HSPA4: variants seen among roughly 807,000 people sequenced by gnomAD.
The protein encoded by HSPA4 is heat shock 70 kDa protein 4.
Under a neutral mutation model 106.2 loss-of-function variants are expected in HSPA4, and 25 were observed. That is an observed-to-expected ratio of 0.24 (90% CI 0.17 to 0.33). The LOEUF is 0.33. Among genes scored for constraint, HSPA4 ranks in the 10% least tolerant of loss-of-function variants. The pLI is 1.00. For missense variants in HSPA4, 841 were observed against 996.0 expected, an observed-to-expected ratio of 0.84 and a Z score of 2.10; for synonymous variants, 332 against 333.6, an observed-to-expected ratio of 1.00 and a Z score of 0.05.
chr5:133,056,432 C>T (rs566644279), intron 1 of HSPA4, among the ~76,000 whole-genome samples: 3 of 152,210 alleles, frequency 2.0e-5, no homozygotes, highest in Admixed American at 6.5e-5. Flanking sequence ...TGCATACATG[C>T]GGCTAATTTT....
At chr5:133,053,279 C>T (rs1473750069) in intron 1 of HSPA4, among the ~76,000 whole-genome samples, 1 of 149,144 alleles carries the variant, frequency 6.7e-6, no homozygotes, top group African/African-American at 2.5e-5. Context: ...TGTTCTTAGA[C>T]AAAATCTTGT....
chr5:133,087,137 T>C (rs1435956100), intron 8 of HSPA4, among the ~76,000 whole-genome samples: 1 of 152,226 alleles, frequency 6.6e-6, no homozygotes, highest in Non-Finnish European at 1.5e-5. Context: ...AATTGTCTTT[T>C]GCGATGCTGA....
At chr5:133,078,758 G>A (rs1765477736) in intron 7 of HSPA4, among the ~76,000 whole-genome samples, 1 of 151,870 alleles carries the variant, frequency 6.6e-6, no homozygotes, top group Non-Finnish European at 1.5e-5. Context: ...TTTTGAGACA[G>A]GATCTTACTC....
In HSPA4 at chr5:133,054,453, C is replaced by T. The variant is rs1355433610; in HGVS notation, c.107+2096C>T. Among the ~76,000 whole-genome samples, 3 of 152,234 alleles carry T rather than the reference C, an allele frequency of 2.0e-5. No homozygotes were observed. The East Asian group carries it at 5.8e-4, about 29-fold the overall frequency. On this transcript the variant is annotated intron_variant, in intron 1 of 18. Coordinates refer to ENST00000304858, the MANE Select transcript of HSPA4 (RefSeq NM_002154.4). ...TCTTGACCTCAAGTGATCTGCCTGC[C>T]TCGGCTTTCCAAAGTGCTGGGTTTA...
chr5:133,104,062 A>G lies in HSPA4; in HGVS notation c.2319+36A>G, dbSNP rs201389234. The G allele has an allele frequency of 1.6e-4, 257 of 1,557,636 alleles. 1 individual carries two copies. In the African/African-American group the frequency reaches 3.2e-3, roughly 19 times the overall value. On this transcript the variant is annotated intron_variant, in intron 18 of 18. Coordinates refer to ENST00000304858, the MANE Select transcript of HSPA4 (RefSeq NM_002154.4). The stretch of plus-strand genomic sequence containing the variant: ...ACTTTTTTTTAATAGTCTTTTCTTG[A>G]CAGCCTTATTATTAATAGTCCTCAA...
intron 2 of HSPA4, 44 bp from the exon 3 acceptor site, chr5:133,067,373 A>G (rs749318242): frequency 4.6e-6 from 7 of 1,521,162 alleles, no homozygotes; most frequent in Non-Finnish European, 6.3e-6. Context: ...AATAAAAAAA[A>G]AATTAGTAGT....
At chr5:133,103,309 A>G (rs932755960) in intron 17 of HSPA4, among the ~76,000 whole-genome samples, 1 of 151,496 alleles carries the variant, frequency 6.6e-6, no homozygotes, top group African/African-American at 2.4e-5. Flanking sequence ...CTCCTGCCTC[A>G]GCCTCCCATA....
At chr5:133,057,554 C>A (rs528450963) in intron 1 of HSPA4, among the ~76,000 whole-genome samples, 1 of 152,260 alleles carries the variant, frequency 6.6e-6, no homozygotes, top group South Asian at 2.1e-4. Flanking sequence ...GAAACTATAC[C>A]TTTTAAAGGA....
At chr5:133,097,934 AT>A (rs1765735398) in intron 15 of HSPA4, among the ~76,000 whole-genome samples, 1 of 149,894 alleles carries the variant, frequency 6.7e-6, no homozygotes. Flanking sequence ...TTTAATTTGA[AT>A]AGCTCTTGGG....
At position 133,091,387 on chromosome 5, in the gene HSPA4, T is replaced by C; in HGVS notation, c.1560+13T>C. Reference sequence around the variant, plus strand: ...AAAGGAGGAAGAGGTAATCTAGACATTGTATACCACTTGTGATGGCCCAGA... The same window carrying C: ...AAAGGAGGAAGAGGTAATCTAGACACTGTATACCACTTGTGATGGCCCAGA... On this transcript the variant is annotated intron_variant, in intron 12 of 18. Coordinates refer to ENST00000304858, the MANE Select transcript of HSPA4 (RefSeq NM_002154.4). 6.2e-7 allele frequency: 1 copy of C among 1,600,314 alleles called. No homozygotes were observed.
chr5:133,067,405 T>A lies in HSPA4; in HGVS notation c.166-12T>A, dbSNP rs776175784. On this transcript the variant is annotated splice_polypyrimidine_tract_variant and intron_variant, in intron 2 of 18. Coordinates refer to ENST00000304858, the MANE Select transcript of HSPA4 (RefSeq NM_002154.4). ...TAGTAGTCTTTCCACTCTTTGATATTCTTTCTCTTAGGTAATTTCTAATGC... is the reference window on the plus strand; with the variant it reads ...TAGTAGTCTTTCCACTCTTTGATATACTTTCTCTTAGGTAATTTCTAATGC... The A allele has an allele frequency of 6.2e-7, 1 of 1,600,568 alleles. No homozygotes were observed. The highest frequency in any genetic ancestry group is 8.5e-7 in the Non-Finnish European group (1 of 1,174,062).
intron 12 of HSPA4, 81 bp from the exon 13 acceptor site, chr5:133,092,619 A>G (rs996397514): frequency 2.2e-6 from 2 of 928,632 alleles, no homozygotes. Flanking sequence ...CAGGAATTAC[A>G]TAACTATGTG....
chr5:133,055,431 C>T (rs2126690996), intron 1 of HSPA4, among the ~76,000 whole-genome samples: 1 of 144,230 alleles, frequency 6.9e-6, no homozygotes, highest in South Asian at 2.2e-4. Flanking sequence ...AAATGAGATG[C>T]AAGTCTTAGA....
chr5:133,104,110 A>AT, intron 18 of HSPA4, 84 bp downstream of exon 18: 2 of 1,421,660 alleles, frequency 1.4e-6, no homozygotes, highest in South Asian at 2.5e-5. Flanking sequence ...AGGGAACTTT[A>AT]TTATAGTGTT....
At chr5:133,070,884 A>C (rs1007367045) in intron 4 of HSPA4, among the ~76,000 whole-genome samples, 1 of 151,374 alleles carries the variant, frequency 6.6e-6, no homozygotes, top group African/African-American at 2.4e-5. Context: ...CCTGGGTGAC[A>C]AGAGCAAAAC....
chr5:133,080,358 C>T (rs927986400), intron 7 of HSPA4, among the ~76,000 whole-genome samples: 16 of 137,910 alleles, frequency 1.2e-4, no homozygotes, highest in East Asian at 4.2e-4. Flanking sequence ...GAGGCTGCAG[C>T]GAACCATGAT....
At chr5:133,089,731 A>G (rs747040002) in intron 11 of HSPA4, 36 bp downstream of exon 11, 4 of 1,480,218 alleles carry the variant, frequency 2.7e-6, no homozygotes, top group South Asian at 2.7e-5. Flanking sequence ...AAGAAAAAAA[A>G]AAAAAAGCAC....
intron 15 of HSPA4, among the ~76,000 whole-genome samples, chr5:133,099,133 T>TA (rs1765752536): frequency 6.6e-6 from 1 of 151,760 alleles, no homozygotes; most frequent in South Asian, 2.1e-4. Flanking sequence ...CCCTGTATCT[T>TA]ATCTTATTTT....
At chr5:133,074,372 A>C (rs943945131) in intron 6 of HSPA4, among the ~76,000 whole-genome samples, 2 of 150,800 alleles carry the variant, frequency 1.3e-5, no homozygotes, top group African/African-American at 4.9e-5. Context: ...TCCACCTCCC[A>C]GGTTCAAGCG....
Sources: allele counts gnomAD v4.1 joint callset (sites outside exome capture counted in the v4.1 genomes callset), GRCh38; gene constraint gnomAD v4.1.1; transcripts MANE v1.5; gene names NCBI Gene and HGNC (gene_info 2026-07-23, HGNC 2026-07-21).